The following FBXL7 variants were observed in gnomAD, a reference collection of about 807,000 sequenced individuals.
FBXL7 encodes the protein F-box/LRR-repeat protein 7.
FBXL7 carries 12 observed loss-of-function variants against 38.3 expected under a neutral mutation model. The observed-to-expected ratio is 0.31, with a 90% confidence interval of 0.20 to 0.51. FBXL7 has a LOEUF of 0.51. Ranked by LOEUF, FBXL7 falls within the 20% of genes least tolerant of loss-of-function variation. FBXL7 has a pLI of 0.98. For synonymous variants in FBXL7, 297 were observed against 300.9 expected (o/e 0.99, Z 0.13); for missense variants, 567 against 676.4 (o/e 0.84, Z 1.79).
intron 1 of FBXL7, among the ~76,000 whole-genome samples, chr5:15,584,216 C>T (rs367830280): frequency 7.6e-4 from 115 of 152,262 alleles, no homozygotes; most frequent in Admixed American, 1.9e-3. Context: ...GGAGGGACTG[C>T]GGTGAAAGTC....
At position 15,559,379 on chromosome 5, in the gene FBXL7, A is replaced by C. The variant is rs141196924; in HGVS notation, c.38-56604A>C. ...GTGATAGAATCTCACAACTGTGTGC[A>C]TATTTATGGATGTGCACATGTATCT... is the stretch of plus-strand genomic sequence containing the variant. On this transcript the variant is annotated intron_variant, in intron 1 of 3. Transcript: ENST00000504595. Among the ~76,000 whole-genome samples the C allele has an allele frequency of 2.9e-3, 448 of 152,264 alleles. 1 individual carries two copies. The highest frequency in any genetic ancestry group is 0.01 in the African/African-American group (425 of 41,572).
intron 2 of FBXL7, among the ~76,000 whole-genome samples, chr5:15,847,065 A>G (rs1738928101): frequency 6.6e-6 from 1 of 152,278 alleles, no homozygotes; most frequent in Non-Finnish European, 1.5e-5. Context: ...TTAGAGGACA[A>G]TTTAGCATAC....
chr5:15,828,312 G>A (rs932499415), intron 2 of FBXL7, among the ~76,000 whole-genome samples: 1 of 152,098 alleles, frequency 6.6e-6, no homozygotes, highest in Non-Finnish European at 1.5e-5. Flanking sequence ...AGATAAATTC[G>A]ATTTTTAAGA....
At chr5:15,710,508 A>G (rs1185432565) in intron 2 of FBXL7, among the ~76,000 whole-genome samples, 2 of 151,718 alleles carry the variant, frequency 1.3e-5, no homozygotes, top group African/African-American at 4.9e-5. Flanking sequence ...ACAAAAAAAC[A>G]CACTCTTGCT....
chr5:15,935,956 C>T (rs1477313978), intron 3 of FBXL7, among the ~76,000 whole-genome samples: 1 of 152,098 alleles, frequency 6.6e-6, no homozygotes, highest in Admixed American at 6.5e-5. Flanking sequence ...GGTACATGCC[C>T]GAGCTTTGTC....
chr5:15,573,319 G>A (rs888962434), intron 1 of FBXL7, among the ~76,000 whole-genome samples: 7 of 152,270 alleles, frequency 4.6e-5, no homozygotes, highest in African/African-American at 1.2e-4. Context: ...GTGCATTCCT[G>A]TTTAGAGAAC....
chr5:15,767,251 A>T (rs1158415461), intron 2 of FBXL7, among the ~76,000 whole-genome samples: 1 of 149,974 alleles, frequency 6.7e-6, no homozygotes, highest in East Asian at 1.9e-4. Flanking sequence ...GTAAGTGAGA[A>T]TATGTGATAA....
At chr5:15,904,896 A>G (rs1367341249) in intron 2 of FBXL7, among the ~76,000 whole-genome samples, 2 of 152,200 alleles carry the variant, frequency 1.3e-5, no homozygotes, top group Non-Finnish European at 2.9e-5. Flanking sequence ...AATATGCAAC[A>G]TCGTAGTATG....
chr5:15,746,143 C>A (rs988230930), intron 2 of FBXL7, among the ~76,000 whole-genome samples: 3 of 151,966 alleles, frequency 2.0e-5, no homozygotes, highest in Non-Finnish European at 4.4e-5. Context: ...AAGTGCTTAG[C>A]CTGAAAAGTT....
intron 3 of FBXL7, among the ~76,000 whole-genome samples, chr5:15,931,755 A>T (rs1341834193): frequency 6.6e-6 from 1 of 152,062 alleles, no homozygotes; most frequent in Non-Finnish European, 1.5e-5. Flanking sequence ...AACACATCCT[A>T]TCTGTGCATA....
intron 1 of FBXL7, among the ~76,000 whole-genome samples, chr5:15,561,226 C>T (rs1738407405): frequency 6.6e-6 from 1 of 152,102 alleles, no homozygotes; most frequent in South Asian, 2.1e-4. Context: ...CTATCTATTC[C>T]TTCTTCCTCC....
intron 2 of FBXL7, among the ~76,000 whole-genome samples, chr5:15,709,419 A>G (rs1743790936): frequency 6.6e-6 from 1 of 151,860 alleles, no homozygotes; most frequent in South Asian, 2.1e-4. Flanking sequence ...CTGTAATCCC[A>G]GCTACTAGGG....
chr5:15,935,293 C>A, intron 3 of FBXL7: 1 of 522,256 alleles, frequency 1.9e-6, no homozygotes, highest in Non-Finnish European at 3.9e-6. Flanking sequence ...TCCAAGACAC[C>A]TCGGGCAGAT....
chr5:15,814,800 A>G (rs762080671), intron 2 of FBXL7, among the ~76,000 whole-genome samples: 3 of 152,164 alleles, frequency 2.0e-5, no homozygotes, highest in Non-Finnish European at 4.4e-5. Context: ...ACAAAAACTG[A>G]AAAACTTCTT....
In FBXL7 at chr5:15,872,444, A is replaced by G. The variant is rs539019738; in HGVS notation, c.128-55446A>G. The stretch of plus-strand genomic sequence containing the variant: ...ATAACAATAACAATATTAACCTTAA[A>G]TGTAAATGGACTAAATTCCCCAATT... On this transcript the variant is annotated intron_variant, in intron 2 of 3. Coordinates refer to ENST00000504595, the MANE Select transcript of FBXL7 (RefSeq NM_012304.5). 2.0e-5 allele frequency among the ~76,000 whole-genome samples: 3 copies of G among 152,198 alleles called. No individual in the cohort carries two copies. The East Asian group carries it at 5.8e-4, about 29-fold the overall frequency.
intron 2 of FBXL7, among the ~76,000 whole-genome samples, chr5:15,715,361 C>T (rs944307980): frequency 6.6e-6 from 1 of 151,664 alleles, no homozygotes; most frequent in Non-Finnish European, 1.5e-5. Context: ...CGTGATGGCA[C>T]GTGCCTGTAA....
intron 2 of FBXL7, among the ~76,000 whole-genome samples, chr5:15,901,057 T>C (rs1169466710): frequency 3.9e-5 from 6 of 152,200 alleles, no homozygotes; most frequent in Non-Finnish European, 7.3e-5. Flanking sequence ...GTGGCCACTC[T>C]AAAAATGCAT....
At chr5:15,501,272 C>G (rs1184479826) in intron 1 of FBXL7, among the ~76,000 whole-genome samples, 1 of 151,996 alleles carries the variant, frequency 6.6e-6, no homozygotes, top group Non-Finnish European at 1.5e-5. Flanking sequence ...GGGCTGGAGA[C>G]GGGCAAAGGA....
chr5:15,869,995 A>G (rs1416171956), intron 2 of FBXL7, among the ~76,000 whole-genome samples: 2 of 152,134 alleles, frequency 1.3e-5, no homozygotes, highest in African/African-American at 4.8e-5. Flanking sequence ...CTGTAGTATC[A>G]GCTACGCAGG....
Sources: allele counts gnomAD v4.1 joint callset (sites outside exome capture counted in the v4.1 genomes callset), GRCh38; gene constraint gnomAD v4.1.1; transcripts MANE v1.5; gene names NCBI Gene and HGNC (gene_info 2026-07-23, HGNC 2026-07-21).